KDM4C: variants seen among roughly 807,000 people sequenced by gnomAD.
The protein encoded by KDM4C is lysine-specific demethylase 4C.
A neutral mutation model predicts 129.3 loss-of-function variants in KDM4C; 81 were observed. That is an observed-to-expected ratio of 0.63 (90% confidence interval 0.52 to 0.75). The LOEUF is 0.75. Among genes scored for constraint, KDM4C ranks in the 30% least tolerant of loss-of-function variants. KDM4C has a pLI of 0.00. For synonymous variants in KDM4C, 573 were observed against 456.1 expected (o/e 1.26, Z -3.26); for missense variants, 1,457 against 1,304.0 (o/e 1.12, Z -1.81).
At chr9:6,930,790 C>T (rs1022302045) in intron 8 of KDM4C, among the ~76,000 whole-genome samples, 5 of 150,830 alleles carry the variant, frequency 3.3e-5, no homozygotes, top group Non-Finnish European at 7.4e-5. Flanking sequence ...CATACCTTTT[C>T]AGCAATGAAT....
intron 15 of KDM4C, among the ~76,000 whole-genome samples, chr9:7,026,635 G>A (rs151243374): frequency 7.9e-5 from 12 of 152,100 alleles, no homozygotes; most frequent in African/African-American, 2.9e-4. Context: ...CATTCCCTAG[G>A]TTTGGGAAAT....
intron 1 of KDM4C, among the ~76,000 whole-genome samples, chr9:6,721,741 G>A (rs10124507): frequency 2.0e-4 from 31 of 151,644 alleles, no homozygotes; most frequent in African/African-American, 6.0e-4. Flanking sequence ...GGTGCCTGCC[G>A]CCACGCCCGG....
chr9:6,776,692 C>T (rs1396518116), intron 1 of KDM4C, among the ~76,000 whole-genome samples: 5 of 140,774 alleles, frequency 3.6e-5, no homozygotes, highest in Non-Finnish European at 8.1e-5. Flanking sequence ...GCAACCTCCA[C>T]CTCCTGGGTT....
Position 7,094,956 on chromosome 9 carries a change from GGAA to G in KDM4C, c.2425-8726_2425-8724del, listed in dbSNP as rs758817475. 2.6e-5 allele frequency among the ~76,000 whole-genome samples: 4 copies of G among 152,310 alleles called. No individual in the cohort carries two copies. The East Asian group carries it at 7.7e-4, about 29-fold the overall frequency. On this transcript the variant is annotated intron_variant, in intron 17 of 21. Coordinates refer to ENST00000381309, the MANE Select transcript of KDM4C (RefSeq NM_015061.6). ...GGGATAGCTTCTGGTGTTCAGAAAAGGAAGACTACCCCAGCGTAGCAGCTTGTG... is the reference window on the plus strand; with the variant it reads ...GGGATAGCTTCTGGTGTTCAGAAAAGGACTACCCCAGCGTAGCAGCTTGTG...
chr9:6,752,363 TAAG>T (rs1300880383), intron 1 of KDM4C, among the ~76,000 whole-genome samples: 2 of 115,642 alleles, frequency 1.7e-5, no homozygotes, highest in African/African-American at 6.5e-5. Context: ...AAAAAAAAAT[TAAG>T]GAGGAACAGG....
intron 1 of KDM4C, among the ~76,000 whole-genome samples, chr9:6,733,389 T>G (rs1196336872): frequency 2.0e-5 from 3 of 152,214 alleles, no homozygotes; most frequent in Non-Finnish European, 2.9e-5. Flanking sequence ...CTGTTTGCAT[T>G]TCTAAGTAGT....
intron 21 of KDM4C, chr9:7,170,829 C>T (rs1357522837): frequency 2.1e-6 from 2 of 932,058 alleles, no homozygotes; most frequent in East Asian, 1.2e-4. Context: ...CAGGGATGTC[C>T]AATCTTTTTG....
At chr9:7,161,600 C>G (rs567652230) in intron 19 of KDM4C, among the ~76,000 whole-genome samples, 2 of 152,170 alleles carry the variant, frequency 1.3e-5, no homozygotes, top group Non-Finnish European at 1.5e-5. Flanking sequence ...AGACCTGCAC[C>G]CCACAGAGCC....
At chr9:6,924,624 T>A (rs1421519711) in intron 8 of KDM4C, 1 of 382,018 alleles carries the variant, frequency 2.6e-6, no homozygotes, top group Admixed American at 6.4e-5. Context: ...GCCAATTCAG[T>A]CCCTTAATTA....
intron 19 of KDM4C, among the ~76,000 whole-genome samples, chr9:7,129,373 A>G (rs543803797): frequency 6.6e-6 from 1 of 152,210 alleles, no homozygotes; most frequent in Non-Finnish European, 1.5e-5. Flanking sequence ...TATTTGAAAG[A>G]TTTTAAAGCA....
intron 4 of KDM4C, among the ~76,000 whole-genome samples, chr9:6,834,043 C>CTTTTT (rs71487860): frequency 1.2e-4 from 13 of 109,480 alleles, no homozygotes; most frequent in African/African-American, 3.3e-4. Flanking sequence ...AAGAGATAGT[C>CTTTTT]TTTTTTTTTT....
chr9:7,166,791 G>GT (rs1844434205), intron 20 of KDM4C, among the ~76,000 whole-genome samples: 1 of 152,068 alleles, frequency 6.6e-6, no homozygotes, highest in South Asian at 2.1e-4. Context: ...TAATCAGTGT[G>GT]TTAACTTCAG....
At chr9:6,750,601 A>G (rs1022002430) in intron 1 of KDM4C, among the ~76,000 whole-genome samples, 1 of 152,226 alleles carries the variant, frequency 6.6e-6, no homozygotes, top group African/African-American at 2.4e-5. Context: ...TCTTGATTAT[A>G]AAAACGATGA....
At chr9:7,051,052 T>C (rs568878926) in intron 17 of KDM4C, among the ~76,000 whole-genome samples, 142 of 152,298 alleles carry the variant, frequency 9.3e-4, no homozygotes, top group Middle Eastern at 3.4e-3. Context: ...AATGATAACA[T>C]AGAGCTATGG....
chr9:7,128,871 C>T (rs1840314066), intron 19 of KDM4C, among the ~76,000 whole-genome samples: 1 of 152,144 alleles, frequency 6.6e-6, no homozygotes, highest in South Asian at 2.1e-4. Context: ...CCTTGGGGCT[C>T]ATTCTGAGGA....
intron 10 of KDM4C, among the ~76,000 whole-genome samples, chr9:6,984,634 T>G (rs1293254074): frequency 6.6e-6 from 1 of 151,686 alleles, no homozygotes; most frequent in Non-Finnish European, 1.5e-5. Context: ...CAGTGCCTAT[T>G]TGGTTTAATA....
At chr9:7,104,714 T>C (rs1371642046) in intron 18 of KDM4C, among the ~76,000 whole-genome samples, 1 of 152,242 alleles carries the variant, frequency 6.6e-6, no homozygotes, top group African/African-American at 2.4e-5. Flanking sequence ...GATGCTCAGC[T>C]CTGCTAACTT....
At chr9:7,102,574 G>A (rs1178793965) in intron 17 of KDM4C, among the ~76,000 whole-genome samples, 1 of 152,136 alleles carries the variant, frequency 6.6e-6, no homozygotes, top group African/African-American at 2.4e-5. Flanking sequence ...GAGTAAGACT[G>A]AGGGACAGAA....
intron 2 of KDM4C, among the ~76,000 whole-genome samples, chr9:6,799,922 C>G (rs905225013): frequency 5.9e-5 from 9 of 151,908 alleles, no homozygotes; most frequent in African/African-American, 2.2e-4. Flanking sequence ...TGTTCATATT[C>G]TTTTCAAATA....
Sources: allele counts gnomAD v4.1 joint callset (sites outside exome capture counted in the v4.1 genomes callset), GRCh38; gene constraint gnomAD v4.1.1; transcripts MANE v1.5; gene names NCBI Gene and HGNC (gene_info 2026-07-23, HGNC 2026-07-21).